The following AFF1 variants were observed in gnomAD, a reference collection of about 807,000 sequenced individuals.
AFF1 encodes the protein ALF transcription elongation factor 1.
In AFF1, 48 loss-of-function variants were observed where a neutral mutation model predicts 121.7. The ratio of observed to expected loss-of-function variants is 0.39; its 90% CI spans 0.31 to 0.50. The LOEUF is 0.50. Ranked by LOEUF, AFF1 falls within the 20% of genes least tolerant of loss-of-function variation. AFF1 has a pLI of 0.76. For synonymous variants in AFF1, 613 were observed against 563.0 expected (o/e 1.09, Z -1.26); for missense variants, 1,523 against 1,511.7 (o/e 1.01, Z -0.12).
At chr4:87,091,675 T>C in intron 6 of AFF1, 118 bp from the exon 7 acceptor site, 1 of 680,714 alleles carries the variant, frequency 1.5e-6, no homozygotes. Flanking sequence ...TTTCCATTTT[T>C]CTAGATATTT....
At chr4:87,063,874 A>G (rs1019071591) in intron 4 of AFF1, among the ~76,000 whole-genome samples, 1 of 152,194 alleles carries the variant, frequency 6.6e-6, no homozygotes, top group African/African-American at 2.4e-5. Flanking sequence ...TATAGATGTT[A>G]CAGCTGTGCC....
intron 2 of AFF1, among the ~76,000 whole-genome samples, chr4:86,963,285 GGTTA>G (rs1722281210): frequency 6.6e-6 from 1 of 151,732 alleles, no homozygotes; most frequent in Non-Finnish European, 1.5e-5. Flanking sequence ...ATTTCCTTCA[GGTTA>G]GTTTGATCTT....
intron 4 of AFF1, among the ~76,000 whole-genome samples, chr4:87,082,207 C>T (rs937123686): frequency 3.3e-5 from 5 of 152,090 alleles, no homozygotes; most frequent in Non-Finnish European, 5.9e-5. Flanking sequence ...GATTCACCTT[C>T]GACTTTTAAT....
chr4:86,996,497 G>A (rs1489886156), intron 2 of AFF1, among the ~76,000 whole-genome samples: 1 of 151,642 alleles, frequency 6.6e-6, no homozygotes, highest in Non-Finnish European at 1.5e-5. Context: ...GGTGCAAGAT[G>A]TGCTTTGTTA....
chr4:87,084,654 C>T (rs760098183), intron 5 of AFF1, among the ~76,000 whole-genome samples: 7 of 152,106 alleles, frequency 4.6e-5, no homozygotes, highest in Non-Finnish European at 1.0e-4. Context: ...ATTTCTCCCC[C>T]ACTCATCTCC....
intron 4 of AFF1, among the ~76,000 whole-genome samples, chr4:87,077,558 C>A (rs1722793074): frequency 1.3e-5 from 2 of 152,100 alleles, no homozygotes; most frequent in Non-Finnish European, 2.9e-5. Flanking sequence ...CATTGAAAAT[C>A]TTCCCCCTAT....
chr4:87,140,977 C>T lies in AFF1; in HGVS notation c.*5276C>T, dbSNP rs1382209069. On this transcript the variant is annotated 3_prime_UTR_variant, in exon 21 of 21. Transcript: ENST00000395146. ...GTAATTGTTCATCTTTAAATTCTTTCCTTTTCATAAGAGGATCAAGCTGTA... is the reference window on the plus strand; with the variant it reads ...GTAATTGTTCATCTTTAAATTCTTTTCTTTTCATAAGAGGATCAAGCTGTA... The T allele has an allele frequency of 5.6e-6, 1 of 180,164 alleles. No homozygotes were observed. Among genetic ancestry groups the T allele is most frequent in the Non-Finnish European group, 1.2e-5 (1 of 84,060 alleles). The allele number at this position is 180,164 out of a possible 1,614,324, so 11.2% of individuals were successfully genotyped here. A position where few individuals can be genotyped will look rare whatever the true frequency, so the allele number is the denominator to read the frequency against.
At chr4:87,133,891 A>T (rs2149804995) in intron 19 of AFF1, among the ~76,000 whole-genome samples, 1 of 152,372 alleles carries the variant, frequency 6.6e-6, no homozygotes, top group Non-Finnish European at 1.5e-5. Flanking sequence ...GATACTTAAT[A>T]TTAGTTCATT....
intron 2 of AFF1, among the ~76,000 whole-genome samples, chr4:87,008,227 A>C (rs1211811453): frequency 6.6e-6 from 1 of 152,222 alleles, no homozygotes; most frequent in Non-Finnish European, 1.5e-5. Flanking sequence ...GCTAGAAAGC[A>C]GTTTGGTCTC....
chr4:87,003,157 C>T (rs772936721), intron 2 of AFF1, among the ~76,000 whole-genome samples: 4 of 151,588 alleles, frequency 2.6e-5, no homozygotes, highest in South Asian at 2.1e-4. Context: ...CATGAATTTA[C>T]ATTACAAACC....
chr4:87,073,531 G>A (rs1006452872), intron 4 of AFF1, among the ~76,000 whole-genome samples: 3 of 151,768 alleles, frequency 2.0e-5, no homozygotes, highest in East Asian at 3.9e-4. Flanking sequence ...TTTAAATAAC[G>A]ATGCCAGGAG....
At chr4:87,004,899 A>G (rs75053829) in intron 2 of AFF1, among the ~76,000 whole-genome samples, 220 of 152,356 alleles carry the variant, frequency 1.4e-3, no homozygotes, top group African/African-American at 5.2e-3. Flanking sequence ...TTAAAGGTTA[A>G]TTGCATTGTG....
intron 12 of AFF1, among the ~76,000 whole-genome samples, chr4:87,120,215 C>T (rs1056016775): frequency 3.9e-5 from 6 of 152,188 alleles, no homozygotes; most frequent in African/African-American, 1.4e-4. Context: ...CACAGCAAGT[C>T]CCTGGGCCTG....
At chr4:87,135,041 C>T (rs893714108) in intron 20 of AFF1, among the ~76,000 whole-genome samples, 2 of 152,164 alleles carry the variant, frequency 1.3e-5, no homozygotes, top group African/African-American at 4.8e-5. Flanking sequence ...TTCCTAGGCC[C>T]AGCACATTGG....
At chr4:87,012,943 A>C (rs1447413635) in intron 2 of AFF1, among the ~76,000 whole-genome samples, 1 of 151,954 alleles carries the variant, frequency 6.6e-6, no homozygotes, top group Non-Finnish European at 1.5e-5. Flanking sequence ...TGGCATCTTG[A>C]AAGTCTTGTT....
rs1416183833 is a variant in AFF1, at chr4:87,137,216, A to G, written c.*1515A>G. The G allele has an allele frequency of 1.3e-5, 3 of 228,236 alleles. No homozygotes were observed. Among genetic ancestry groups the G allele is most frequent in the African/African-American group, 2.2e-5 (1 of 45,064 alleles). The allele number at this position is 228,236 out of a possible 1,614,324, so 14.1% of individuals were successfully genotyped here. On this transcript the variant is annotated 3_prime_UTR_variant, in exon 21 of 21. Transcript: ENST00000395146. ...ACTACAATTGAGGAGTGTCATCTCT[A>G]TAACTTTTTCTCCGCCTTTGTCCCA...
At chr4:86,956,886 T>A (rs1227648303) in intron 2 of AFF1, among the ~76,000 whole-genome samples, 3 of 152,230 alleles carry the variant, frequency 2.0e-5, no homozygotes, top group African/African-American at 7.2e-5. Context: ...TTTTTATTTC[T>A]TTTGGGCAGA....
At chr4:86,958,053 AATACCTAGTCT>A (rs1156877796) in intron 2 of AFF1, among the ~76,000 whole-genome samples, 52 of 151,482 alleles carry the variant, frequency 3.4e-4, no homozygotes, top group African/African-American at 1.3e-3. Flanking sequence ...GGATTCGTCT[AATACCTAGTCT>A]ATCTCTGAAC....
At chr4:86,978,993 G>A (rs764729982) in intron 2 of AFF1, among the ~76,000 whole-genome samples, 5 of 152,152 alleles carry the variant, frequency 3.3e-5, no homozygotes, top group Non-Finnish European at 4.4e-5. Flanking sequence ...TATTCCTCTA[G>A]TGGTCCAATG....
Sources: allele counts gnomAD v4.1 joint callset (sites outside exome capture counted in the v4.1 genomes callset), GRCh38; gene constraint gnomAD v4.1.1; transcripts MANE v1.5; gene names NCBI Gene and HGNC (gene_info 2026-07-23, HGNC 2026-07-21).